MYBPC1: variants seen among roughly 807,000 people sequenced by gnomAD.
The protein encoded by MYBPC1 is myosin binding protein C1.
A neutral mutation model predicts 147.1 loss-of-function variants in MYBPC1; 52 were observed. The ratio of observed to expected loss-of-function variants is 0.35; its 90% confidence interval spans 0.28 to 0.45. MYBPC1 has a LOEUF of 0.45. Among genes scored for constraint, MYBPC1 ranks in the 20% least tolerant of loss-of-function variants. MYBPC1 has a pLI of 1.00. For synonymous variants in MYBPC1, 477 were observed against 475.9 expected (o/e 1.00, Z -0.03); for missense variants, 1,228 against 1,440.3 (o/e 0.85, Z 2.39).
rs74925157 is a variant in MYBPC1 at position 101,661,469 on chromosome 12, G to T, written c.2032+207G>T. ...CTCTGATGAATATCATCTGATTGCT[G>T]GTTTCTTTTTTTGTTTGACATTTAT... is the stretch of plus-strand genomic sequence containing the variant. On this transcript the variant is annotated intron_variant, in intron 20 of 31. Coordinates refer to ENST00000361466, the MANE Select transcript of MYBPC1 (RefSeq NM_002465.4). Among the ~76,000 whole-genome samples, 147 of 152,260 alleles carry T rather than the reference G, an allele frequency of 9.7e-4. 1 individual carries two copies. The highest frequency in any genetic ancestry group is 3.3e-3 in the African/African-American group (137 of 41,556).
At chr12:101,656,820 T>C (rs1344465949) in intron 18 of MYBPC1, among the ~76,000 whole-genome samples, 1 of 152,194 alleles carries the variant, frequency 6.6e-6, no homozygotes, top group African/African-American at 2.4e-5. Flanking sequence ...AGGACACAGC[T>C]GAACTCAACA....
chr12:101,694,759 C>CTT, the MYBPC1 span, among the ~76,000 whole-genome samples: 4,237 of 149,816 alleles, frequency 0.028, 211 homozygotes, highest in African/African-American at 0.097. Context: ...AATACATCTG[C>CTT]TTTTTTTTTT....
intron 12 of MYBPC1, among the ~76,000 whole-genome samples, chr12:101,645,440 G>A (rs1336933193): frequency 6.6e-6 from 1 of 152,152 alleles, no homozygotes; most frequent in East Asian, 1.9e-4. Flanking sequence ...TCCTCAGCCT[G>A]AGAGATTTTC....
intron 18 of MYBPC1, among the ~76,000 whole-genome samples, chr12:101,657,839 A>G (rs1365379271): frequency 6.6e-6 from 1 of 152,210 alleles, no homozygotes; most frequent in East Asian, 1.9e-4. Flanking sequence ...TTATCCTAAT[A>G]TCAAAACCAG....
chr12:101,689,073 G>C (rs1951386071), downstream of MYBPC1, among the ~76,000 whole-genome samples: 2 of 152,128 alleles, frequency 1.3e-5, no homozygotes, highest in Admixed American at 6.5e-5. Context: ...AGGTATAAGA[G>C]AGCACTATAA....
chr12:101,622,197 A>T, intron 3 of MYBPC1, among the ~76,000 whole-genome samples: 1 of 152,212 alleles, frequency 6.6e-6, no homozygotes, highest in East Asian at 1.9e-4. Context: ...ATGTTGTAAG[A>T]TGCTACGTCA....
rs1899652320 is a variant in MYBPC1, at chr12:101,675,143, CA to C, written c.2810-146del. On this transcript the variant is annotated intron_variant, in intron 25 of 31. Transcript: ENST00000361466. ...GGCCTGGCTCCATACTACTGGAAGG[CA>C]AAGGGTCTCAGAAGCCCCCATGGTA... The C allele has an allele frequency of 2.9e-6, 3 of 1,047,764 alleles. No homozygotes were observed. In the Admixed American group the frequency reaches 6.2e-5, roughly 22 times the overall value. The allele number at this position is 1,047,764 out of a possible 1,614,324, so 64.9% of individuals were successfully genotyped here.
chr12:101,667,739 C>T lies in MYBPC1; in HGVS notation c.2364C>T (p.Asp788=). ...VLEYCFEGTE[D]WIVANKDLID... is the part of the protein sequence containing the mutation. The stretch of plus-strand genomic sequence containing the variant: ...TTCTTTTACGGACTTCAGCTGAGGA[C>T]TGGATAGTTGCAAACAAAGATCTGA... Residue 788 remains aspartate (D), a synonymous_variant, in exon 23 of 32, where the codon GAC becomes GAT. Transcript: ENST00000361466. 6.2e-7 allele frequency: 1 copy of T among 1,614,076 alleles called. No individual in the cohort carries two copies. The highest frequency in any genetic ancestry group is 8.5e-7 in the Non-Finnish European group (1 of 1,180,018).
intron 29 of MYBPC1, among the ~76,000 whole-genome samples, chr12:101,681,557 T>TATAC (rs1950948426): frequency 1.4e-4 from 1 of 7,070 alleles, no homozygotes; most frequent in Non-Finnish European, 3.0e-4. Context: ...ATAACTTTCA[T>TATAC]ATATATATAT....
chr12:101,659,874 T>C (rs779346204), intron 19 of MYBPC1, 43 bp downstream of exon 19: 6 of 1,608,592 alleles, frequency 3.7e-6, no homozygotes, highest in Non-Finnish European at 5.1e-6. Context: ...CAAGCTGACA[T>C]GTCAAGATTC....
chr12:101,600,302 T>C (rs560706204), intron 1 of MYBPC1: 1 of 144,556 alleles, frequency 6.9e-6, no homozygotes, highest in African/African-American at 2.6e-5. Context: ...CCTTGAAACT[T>C]TTTTTTTTTT....
At chr12:101,637,532 T>A (rs979053026) in intron 10 of MYBPC1, among the ~76,000 whole-genome samples, 10 of 152,168 alleles carry the variant, frequency 6.6e-5, no homozygotes, top group African/African-American at 2.4e-4. Context: ...AAAGAAACAC[T>A]TTTTTTCTGA....
Position 101,623,518 on chromosome 12 carries a change from T to A in MYBPC1, c.104-3354T>A, listed in dbSNP as rs149248859. On this transcript the variant is annotated intron_variant, in intron 3 of 31. Transcript: ENST00000361466. ...GTAAGTGAATACTCTTCTCATTTTGTGTTCTAGGTAATTAACTCAATGTTT... is the reference window on the plus strand; with the variant it reads ...GTAAGTGAATACTCTTCTCATTTTGAGTTCTAGGTAATTAACTCAATGTTT... 3.4e-3 allele frequency among the ~76,000 whole-genome samples: 521 copies of A among 152,356 alleles called. 2 individuals carry two copies. The highest frequency in any genetic ancestry group is 0.012 in the African/African-American group (506 of 41,584).
chr12:101,644,159 C>G, intron 11 of MYBPC1, among the ~76,000 whole-genome samples: 1 of 152,160 alleles, frequency 6.6e-6, no homozygotes. Flanking sequence ...GCCTCAGCCT[C>G]CCGAGTAGCT....
chr12:101,690,099 C>T (rs575103978), downstream of MYBPC1, among the ~76,000 whole-genome samples: 3 of 152,078 alleles, frequency 2.0e-5, no homozygotes, highest in South Asian at 2.1e-4. Context: ...CACTTGAACC[C>T]GGGAGGCGGA....
At chr12:101,662,973 G>C (rs547225543) in intron 21 of MYBPC1, among the ~76,000 whole-genome samples, 8 of 152,056 alleles carry the variant, frequency 5.3e-5, no homozygotes, top group South Asian at 4.2e-4. Flanking sequence ...TTTGCTTTAT[G>C]GTCACACCTT....
At chr12:101,652,857 T>C in intron 17 of MYBPC1, 73 bp downstream of exon 17, 10 of 1,332,814 alleles carry the variant, frequency 7.5e-6, no homozygotes, top group Non-Finnish European at 1.1e-5. Flanking sequence ...GGAATTATAA[T>C]ATATTCAAAA....
At chr12:101,644,605 TA>T in intron 11 of MYBPC1, 58 bp from the exon 12 acceptor site, 4 of 1,499,212 alleles carry the variant, frequency 2.7e-6, no homozygotes, top group Non-Finnish European at 3.7e-6. Context: ...ATTGACTATT[TA>T]AATTCATAGC....
chr12:101,664,428 G>A (rs1254164198), intron 22 of MYBPC1: 1 of 152,152 alleles, frequency 6.6e-6, no homozygotes, highest in African/African-American at 2.4e-5. Flanking sequence ...TCCACAAACA[G>A]TGGCCCAAGA....
Sources: allele counts gnomAD v4.1 joint callset (sites outside exome capture counted in the v4.1 genomes callset), GRCh38; gene constraint gnomAD v4.1.1; transcripts MANE v1.5; gene names NCBI Gene and HGNC (gene_info 2026-07-23, HGNC 2026-07-21).